Variants in CHRM2 observed in about 807,000 individuals in gnomAD.
CHRM2 encodes the protein muscarinic acetylcholine receptor M2.
Under a neutral mutation model 25.0 loss-of-function variants are expected in CHRM2, and 8 were observed. The ratio of observed to expected loss-of-function variants is 0.32; its 90% confidence interval spans 0.19 to 0.58. The LOEUF (loss-of-function observed/expected upper bound fraction) is 0.58, where lower values mean the gene tolerates loss of function less well. Ranked by LOEUF, CHRM2 falls within the 20% of genes least tolerant of loss-of-function variation. The probability of loss-of-function intolerance (pLI) is 0.88; values close to 1 mark genes in which losing one functional copy is unlikely to be tolerated. For missense variants in CHRM2, 440 were observed against 567.1 expected (o/e 0.78, Z 2.28); for synonymous variants, 202 against 205.7 (o/e 0.98, Z 0.15).
rs1805245711 is a variant in CHRM2, at chr7:137,017,448, G to A, written c.*1182G>A. On this transcript the variant is annotated 3_prime_UTR_variant, in exon 4 of 4. Transcript: ENST00000680005. ...TACTCACATAGCACCAGTGATTTCT[G>A]GGCCAGTCCCTAGAGAATAGAACCT... is the stretch of plus-strand genomic sequence containing the variant. 2 of 151,832 alleles carry A rather than the reference G, an allele frequency of 1.3e-5. No individual in the cohort carries two copies. The highest frequency in any genetic ancestry group is 1.3e-4 in the Admixed American group (2 of 15,200). 9.4% of individuals were successfully genotyped at this position (151,832 alleles called of 1,614,324 possible). A position where few individuals can be genotyped will look rare whatever the true frequency, so the allele number is the denominator to read the frequency against.
At chr7:137,005,426 T>C (rs1219430066) in intron 3 of CHRM2, among the ~76,000 whole-genome samples, 2 of 152,132 alleles carry the variant, frequency 1.3e-5, no homozygotes, top group African/African-American at 2.4e-5. Flanking sequence ...GTTTTCTATA[T>C]ACTCTGAAAA....
At chr7:136,950,624 A>G (rs1410642239) in intron 2 of CHRM2, among the ~76,000 whole-genome samples, 1 of 152,196 alleles carries the variant, frequency 6.6e-6, no homozygotes, top group Non-Finnish European at 1.5e-5. Flanking sequence ...TGAATAAATA[A>G]AGTTGGATTT....
chr7:136,913,625 A>AT (rs956244948), intron 2 of CHRM2, among the ~76,000 whole-genome samples: 1 of 151,794 alleles, frequency 6.6e-6, no homozygotes. Flanking sequence ...AAACCTAGTA[A>AT]TTTTTTTTGA....
At chr7:136,921,357 T>C (rs1798419967) in intron 2 of CHRM2, among the ~76,000 whole-genome samples, 1 of 152,116 alleles carries the variant, frequency 6.6e-6, no homozygotes, top group South Asian at 2.1e-4. Flanking sequence ...CTTTACTCCA[T>C]TTCAATCATC....
chr7:136,920,561 G>A (rs11773196), intron 2 of CHRM2, among the ~76,000 whole-genome samples: 6,098 of 152,170 alleles, frequency 0.04, 180 homozygotes, highest in Non-Finnish European at 0.06. Flanking sequence ...CACTGACCCC[G>A]GGGTCTGTTG....
chr7:137,010,608 T>A (rs893788254), intron 3 of CHRM2, among the ~76,000 whole-genome samples: 1 of 151,996 alleles, frequency 6.6e-6, no homozygotes, highest in Non-Finnish European at 1.5e-5. Context: ...TGCATCATGC[T>A]GAGAGAAAGA....
chr7:137,004,019 C>A (rs1804251237), intron 3 of CHRM2, among the ~76,000 whole-genome samples: 1 of 152,108 alleles, frequency 6.6e-6, no homozygotes, highest in Non-Finnish European at 1.5e-5. Flanking sequence ...GTCAATTAAA[C>A]CTCATTCCTT....
At chr7:136,987,232 T>C (rs750058856) in intron 2 of CHRM2, among the ~76,000 whole-genome samples, 4 of 152,210 alleles carry the variant, frequency 2.6e-5, no homozygotes, top group Non-Finnish European at 5.9e-5. Flanking sequence ...AGGGACTGTG[T>C]TGAAACAGCA....
At chr7:136,878,051 C>T (rs1318573600) in intron 2 of CHRM2, among the ~76,000 whole-genome samples, 1 of 151,954 alleles carries the variant, frequency 6.6e-6, no homozygotes, top group Non-Finnish European at 1.5e-5. Flanking sequence ...CATTGTTGAA[C>T]ACGATGAAGA....
Position 137,019,734 on chromosome 7 carries a change from G to A in CHRM2, c.*3468G>A, listed in dbSNP as rs1040850806. 6.6e-6 allele frequency: 1 copy of A among 151,868 alleles called. No homozygotes were observed. Among genetic ancestry groups the A allele is most frequent in the Admixed American group, 6.6e-5 (1 of 15,206 alleles). The allele number at this position is 151,868 out of a possible 1,614,324, so 9.4% of individuals were successfully genotyped here. A position where few individuals can be genotyped will look rare whatever the true frequency, so the allele number is the denominator to read the frequency against. The stretch of plus-strand genomic sequence containing the variant: ...ACGCCAGCTCCCAAGTATTAGGGCA[G>A]AGTAATCAATATGAGAAGCCACAAC... On this transcript the variant is annotated 3_prime_UTR_variant, in exon 4 of 4. Coordinates refer to ENST00000680005, the MANE Select transcript of CHRM2 (RefSeq NM_001006630.2).
chr7:136,927,329 G>C (rs1719070297), intron 2 of CHRM2, among the ~76,000 whole-genome samples: 1 of 152,232 alleles, frequency 6.6e-6, no homozygotes, highest in Non-Finnish European at 1.5e-5. Context: ...CGAACCAAGT[G>C]ACTATGTGAC....
At position 137,015,033 on chromosome 7, in the gene CHRM2, C is replaced by T. The variant is rs78847341; in HGVS notation, c.168C>T (p.Thr56=). Residue 56 remains threonine (T), a synonymous_variant, in exon 4 of 4, where the codon ACC becomes ACT. Coordinates refer to ENST00000680005, the MANE Select transcript of CHRM2 (RefSeq NM_001006630.2). This position sits in a 1 kb window ranked among gnomAD's most constrained non-coding sequence, Gnocchi z 5.1. ...VSIKVNRHLQ[T]VNNYFLFSLA... ...TTAAAGTCAACCGCCACCTCCAGACCGTCAACAATTACTTTTTATTCAGCT... is the reference window on the plus strand; with the variant it reads ...TTAAAGTCAACCGCCACCTCCAGACTGTCAACAATTACTTTTTATTCAGCT... 103 of 1,613,234 alleles carry T rather than the reference C, an allele frequency of 6.4e-5. No homozygotes were observed. The highest frequency in any genetic ancestry group is 8.1e-5 in the Non-Finnish European group (96 of 1,179,580).
chr7:136,988,266 G>A (rs1283407161), intron 2 of CHRM2, among the ~76,000 whole-genome samples: 2 of 151,856 alleles, frequency 1.3e-5, no homozygotes, highest in African/African-American at 4.8e-5. Flanking sequence ...AAGGAGGTCA[G>A]GGAAGAGAAG....
chr7:136,984,104 G>A (rs890244234), intron 2 of CHRM2, among the ~76,000 whole-genome samples: 5 of 152,166 alleles, frequency 3.3e-5, no homozygotes, highest in Admixed American at 6.5e-5. Context: ...CCCCCTGACT[G>A]GGGCTGCTGC....
intron 2 of CHRM2, among the ~76,000 whole-genome samples, chr7:136,889,805 C>A (rs1014735507): frequency 6.6e-6 from 1 of 152,042 alleles, no homozygotes; most frequent in African/African-American, 2.4e-5. Flanking sequence ...CGGACTGTTG[C>A]GGGAATGTTG....
chr7:137,008,648 T>TA (rs2131100057), intron 3 of CHRM2, among the ~76,000 whole-genome samples: 1 of 151,884 alleles, frequency 6.6e-6, no homozygotes, highest in South Asian at 2.1e-4. Flanking sequence ...GCAGCAGAAT[T>TA]AAAAAATCTG....
At chr7:136,922,901 C>T (rs557357740) in intron 2 of CHRM2, among the ~76,000 whole-genome samples, 4 of 152,100 alleles carry the variant, frequency 2.6e-5, no homozygotes, top group African/African-American at 9.6e-5. Context: ...ACAAAGGGAT[C>T]GTAGAAGGTG....
intron 2 of CHRM2, among the ~76,000 whole-genome samples, chr7:136,981,266 T>C (rs2130974232): frequency 6.6e-6 from 1 of 152,348 alleles, no homozygotes; most frequent in Non-Finnish European, 1.5e-5. Flanking sequence ...GTAGTTTGTA[T>C]TGCAGTGGGA....
At chr7:136,919,225 CA>C (rs1294997623) in intron 2 of CHRM2, among the ~76,000 whole-genome samples, 1 of 151,884 alleles carries the variant, frequency 6.6e-6, no homozygotes, top group Non-Finnish European at 1.5e-5. Context: ...AGTGAATTTC[CA>C]AAAAGTGGTG....
Sources: allele counts gnomAD v4.1 joint callset (sites outside exome capture counted in the v4.1 genomes callset), GRCh38; gene constraint gnomAD v4.1.1; non-coding constraint Gnocchi (gnomAD v3.1); transcripts MANE v1.5; gene names NCBI Gene and HGNC (gene_info 2026-07-23, HGNC 2026-07-21).